Variants in FAM53A observed in about 807,000 individuals in gnomAD.
FAM53A encodes the protein family with sequence similarity 53 member A.
FAM53A carries 28 observed loss-of-function variants against 26.6 expected under a neutral mutation model. That is an observed-to-expected ratio of 1.05 (90% CI 0.78 to 1.45). The LOEUF is 1.45. Among genes scored for constraint, FAM53A ranks in the 40% most tolerant of loss-of-function variants. FAM53A has a pLI of 0.00. For synonymous variants in FAM53A, 290 were observed against 253.1 expected (o/e 1.15, Z -1.38); for missense variants, 650 against 575.8 (o/e 1.13, Z -1.32).
intron 2 of FAM53A, among the ~76,000 whole-genome samples, chr4:1,661,423 C>T (rs1713825522): frequency 1.3e-5 from 2 of 152,174 alleles, no homozygotes; most frequent in African/African-American, 4.8e-5. Flanking sequence ...CGCCTCCCTG[C>T]AGGAAGTGAG....
At chr4:1,685,041 G>A (rs979302488), upstream of FAM53A, among the ~76,000 whole-genome samples, 8 of 152,124 alleles carry the variant, frequency 5.3e-5, no homozygotes, top group African/African-American at 1.9e-4. Flanking sequence ...TTCCCAGGAA[G>A]GGGGTCCCTG....
In FAM53A at chr4:1,655,271, T is replaced by C. The variant is rs1369866524; in HGVS notation, c.589A>G (p.Ser197Gly). The C allele has an allele frequency of 7.0e-7, 1 of 1,434,868 alleles. No homozygotes were observed. The highest frequency in any genetic ancestry group is 1.5e-5 in the African/African-American group (1 of 67,112). The allele number at this position is 1,434,868 out of a possible 1,614,324, so 88.9% of individuals were successfully genotyped here. ...CCTGAGCCCGCACTGCCCTCGCTGCTGTCCACGAAGCCGCCGCTGGCGGAG... is the reference window on the plus strand; with the variant it reads ...CCTGAGCCCGCACTGCCCTCGCTGCCGTCCACGAAGCCGCCGCTGGCGGAG... ...PSSASGGFVD[S>G]SEGSAGSGPL... Residue 197 changes from serine (S) to glycine (G), a missense_variant, in exon 4 of 5, where the codon AGC becomes GGC. Ser to Gly is a moderately conservative substitution (Grantham distance 56). Coordinates refer to ENST00000308132, the MANE Select transcript of FAM53A (RefSeq NM_001174070.3).
chr4:1,654,078 T>C (rs1713107628), intron 4 of FAM53A, among the ~76,000 whole-genome samples: 1 of 152,028 alleles, frequency 6.6e-6, no homozygotes, highest in Non-Finnish European at 1.5e-5. Flanking sequence ...CACAGGTCAT[T>C]GAGGAGACAG....
rs758453074 is a variant in FAM53A, at chr4:1,655,022, C to T, written c.838G>A (p.Ala280Thr). The T allele has an allele frequency of 2.6e-5, 40 of 1,559,822 alleles. No homozygotes were observed. Among genetic ancestry groups the T allele is most frequent in the South Asian group, 3.6e-5 (3 of 82,604 alleles). ...TCCAAGGATGGGCGTGTCCACCTGG[C>T]GTCCTCCTCACGCCTCCGTTTGCGC... ...SRRKRRREED[A>T]RWTRPSLDFL... Residue 280 changes from alanine (A) to threonine (T), a missense_variant, in exon 4 of 5, where the codon GCC becomes ACC. Transcript: ENST00000308132.
the FAM53A span, among the ~76,000 whole-genome samples, chr4:1,608,728 C>T: frequency 2.0e-5 from 3 of 152,324 alleles, no homozygotes; most frequent in South Asian, 6.2e-4. Flanking sequence ...CCATCACTCC[C>T]CGTCCTTCAC....
At chr4:1,575,354 A>T in the FAM53A span, among the ~76,000 whole-genome samples, 4 of 152,162 alleles carry the variant, frequency 2.6e-5, no homozygotes, top group African/African-American at 9.7e-5. Flanking sequence ...GGCATCATCC[A>T]ATCTCCACTT....
At chr4:1,609,728 C>T in the FAM53A span, among the ~76,000 whole-genome samples, 1 of 151,954 alleles carries the variant, frequency 6.6e-6, no homozygotes, top group Non-Finnish European at 1.5e-5. Flanking sequence ...TTTGGGAGGC[C>T]TAGGCAGGTG....
chr4:1,684,784 C>T (rs996725127), upstream of FAM53A, among the ~76,000 whole-genome samples: 1 of 152,214 alleles, frequency 6.6e-6, no homozygotes, highest in Non-Finnish European at 1.5e-5. Context: ...GCAGGTCGCT[C>T]GCCCTCTCGG....
At chr4:1,614,496 C>G (rs1371179678), downstream of FAM53A, among the ~76,000 whole-genome samples, 1 of 141,802 alleles carries the variant, frequency 7.1e-6, no homozygotes, top group Non-Finnish European at 1.5e-5. Context: ...GAGGGGGACG[C>G]AGAGACGTGA....
At chr4:1,607,133 C>T in the FAM53A span, among the ~76,000 whole-genome samples, 16 of 152,334 alleles carry the variant, frequency 1.1e-4, no homozygotes, top group African/African-American at 3.6e-4. Context: ...ATTCTCCTGC[C>T]TCAGCCTCCC....
rs1212797347 is a variant in FAM53A at position 1,641,325 on chromosome 4, C to G, written c.1165G>C (p.Glu389Gln). The G allele has an allele frequency of 1.9e-6, 3 of 1,612,166 alleles. No individual in the cohort carries two copies. Among genetic ancestry groups the G allele is most frequent in the Non-Finnish European group, 2.5e-6 (3 of 1,179,624 alleles). ...EEGVFPRARW[E>Q]LDLEQIENN ...TTCTCGATCTGCTCCAGGTCCAGCT[C>G]CCAGCGGGCCCGGGGGAAGACGCCC... The change falls in exon 5 of 5, where the codon GAG becomes CAG. Residue 389 changes from glutamate (E) to glutamine (Q), a missense_variant. By Grantham distance (29) the Glu-to-Gln change is conservative. Transcript: ENST00000308132.
At chr4:1,656,372 G>A (rs1438784166) in intron 3 of FAM53A, among the ~76,000 whole-genome samples, 1 of 152,224 alleles carries the variant, frequency 6.6e-6, no homozygotes, top group Non-Finnish European at 1.5e-5. Context: ...AGGTGCATGG[G>A]CCTGGCATGG....
chr4:1,599,094 G>C, the FAM53A span, among the ~76,000 whole-genome samples: 1 of 150,580 alleles, frequency 6.6e-6, no homozygotes, highest in East Asian at 2.0e-4. The surrounding 1 kb of genome is among the most constrained non-coding windows in gnomAD (Gnocchi z 6.1). Flanking sequence ...GTGCCGGAGC[G>C]CAGGGCCGTC....
chr4:1,643,587 G>C (rs930811700), intron 4 of FAM53A, among the ~76,000 whole-genome samples: 1 of 135,126 alleles, frequency 7.4e-6, no homozygotes. Flanking sequence ...TTTTTTTTGA[G>C]ACAGGGTCTT....
chr4:1,628,968 C>G (rs988734107), intron 1 of FAM53A, among the ~76,000 whole-genome samples: 5 of 151,864 alleles, frequency 3.3e-5, no homozygotes, highest in Admixed American at 6.6e-5. Context: ...CCCTGGGGCC[C>G]TGTGTGCCTT....
chr4:1,602,747 G>C, the FAM53A span, among the ~76,000 whole-genome samples: 2 of 152,180 alleles, frequency 1.3e-5, no homozygotes, highest in Non-Finnish European at 2.9e-5. Flanking sequence ...GCAAGTGCGG[G>C]TGTGACGGTC....
At chr4:1,609,925 T>C in the FAM53A span, among the ~76,000 whole-genome samples, 1 of 152,080 alleles carries the variant, frequency 6.6e-6, no homozygotes, top group Non-Finnish European at 1.5e-5. Context: ...ATCGCGCCAC[T>C]GCACTCCAGA....
rs937388562 is a variant in FAM53A, at chr4:1,668,900, T to C, written c.-159A>G. ...TCCACGCCCACGGGCTCTTCAGGATTTGTGCCTGTTTCTCAGAAGAGAGAA... is the reference window on the plus strand; with the variant it reads ...TCCACGCCCACGGGCTCTTCAGGATCTGTGCCTGTTTCTCAGAAGAGAGAA... On this transcript the variant is annotated 5_prime_UTR_variant, in exon 2 of 5. Transcript: ENST00000308132. The C allele has an allele frequency of 4.2e-5, 25 of 591,174 alleles. No homozygotes were observed. The highest frequency in any genetic ancestry group is 7.2e-5 in the Non-Finnish European group (24 of 335,262). 36.6% of individuals were successfully genotyped at this position (591,174 alleles called of 1,614,324 possible). A position where few individuals can be genotyped will look rare whatever the true frequency, so the allele number is the denominator to read the frequency against.
chr4:1,604,288 G>A, the FAM53A span, among the ~76,000 whole-genome samples: 2 of 152,190 alleles, frequency 1.3e-5, no homozygotes, highest in Admixed American at 6.5e-5. Flanking sequence ...CGTGTGCAGC[G>A]GCCGGAGTAG....
Sources: allele counts gnomAD v4.1 joint callset (sites outside exome capture counted in the v4.1 genomes callset), GRCh38; gene constraint gnomAD v4.1.1; non-coding constraint Gnocchi (gnomAD v3.1); transcripts MANE v1.5; gene names NCBI Gene and HGNC (gene_info 2026-07-23, HGNC 2026-07-21).